VAT1L: variants seen among roughly 807,000 people sequenced by gnomAD.
VAT1L encodes putative NADPH-dependent quinone oxidoreductase VAT1L.
VAT1L carries 34 observed loss-of-function variants against 44.1 expected under a neutral mutation model. The observed-to-expected ratio is 0.77, with a 90% CI of 0.59 to 1.03. The LOEUF is 1.03. VAT1L is among the 50% of genes least tolerant of loss of function. The pLI is 0.00. For synonymous variants in VAT1L, 253 were observed against 202.2 expected (o/e 1.25, Z -2.13); for missense variants, 615 against 538.8 (o/e 1.14, Z -1.40).
chr16:77,863,837 T>C (rs895509652), intron 4 of VAT1L, among the ~76,000 whole-genome samples: 10 of 152,200 alleles, frequency 6.6e-5, no homozygotes, highest in Non-Finnish European at 1.3e-4. Context: ...ATAAAGACCA[T>C]GTACACCAAT....
chr16:77,906,171 A>G (rs1366660), intron 7 of VAT1L, among the ~76,000 whole-genome samples: 82,191 of 152,026 alleles, frequency 0.54, 22,421 homozygotes, highest in Middle Eastern at 0.65. Context: ...GTGCTAGGGG[A>G]TGTTGTAAGG....
chr16:77,878,968 T>C (rs1274484308), intron 5 of VAT1L, among the ~76,000 whole-genome samples: 2 of 152,208 alleles, frequency 1.3e-5, no homozygotes, highest in African/African-American at 2.4e-5. Flanking sequence ...GAAATGTCAC[T>C]TTCTCTTTGA....
At chr16:77,938,622 C>T (rs2017834655) in intron 7 of VAT1L, among the ~76,000 whole-genome samples, 1 of 152,142 alleles carries the variant, frequency 6.6e-6, no homozygotes, top group African/African-American at 2.4e-5. Context: ...AAAGACGTGC[C>T]TGCTTCCCCT....
At chr16:77,889,115 C>T (rs942722563) in intron 7 of VAT1L, among the ~76,000 whole-genome samples, 5 of 152,146 alleles carry the variant, frequency 3.3e-5, no homozygotes, top group East Asian at 1.9e-4. Flanking sequence ...TTTCCCCTCC[C>T]GTTTGGTAAA....
chr16:77,923,504 T>C (rs1009594915), intron 7 of VAT1L, among the ~76,000 whole-genome samples: 1 of 152,154 alleles, frequency 6.6e-6, no homozygotes, highest in Non-Finnish European at 1.5e-5. Flanking sequence ...TCTTAAAATC[T>C]TGGTCCCTGG....
At chr16:77,809,324 A>T (rs926859672) in intron 1 of VAT1L, among the ~76,000 whole-genome samples, 3 of 152,200 alleles carry the variant, frequency 2.0e-5, no homozygotes, top group African/African-American at 7.2e-5. Flanking sequence ...GCCACAAATC[A>T]ATTCTTTTCC....
intron 2 of VAT1L, among the ~76,000 whole-genome samples, chr16:77,824,979 G>A (rs1456280976): frequency 6.9e-6 from 1 of 144,242 alleles, no homozygotes; most frequent in Non-Finnish European, 1.5e-5. Context: ...CAGTTCTCCT[G>A]CCTCAGCCTC....
intron 7 of VAT1L, among the ~76,000 whole-genome samples, chr16:77,940,673 T>C (rs1200001953): frequency 5.3e-5 from 8 of 152,136 alleles, no homozygotes; most frequent in Non-Finnish European, 8.8e-5. Flanking sequence ...CAAAAGTTAA[T>C]ATGAATTTTG....
chr16:77,930,436 C>T (rs575326201), intron 7 of VAT1L, among the ~76,000 whole-genome samples: 1 of 152,316 alleles, frequency 6.6e-6, no homozygotes, highest in African/African-American at 2.4e-5. Flanking sequence ...TAGTCTGGCC[C>T]TGTCCTTTGA....
At position 77,893,348 on chromosome 16, in the gene VAT1L, G is replaced by A. The variant is rs570704636; in HGVS notation, c.1077+8546G>A. Among the ~76,000 whole-genome samples the A allele has an allele frequency of 5.6e-4, 86 of 152,336 alleles. 1 individual carries two copies. The South Asian group carries it at 0.014, about 25-fold the overall frequency. On this transcript the variant is annotated intron_variant, in intron 7 of 8. Coordinates refer to ENST00000302536, the MANE Select transcript of VAT1L (RefSeq NM_020927.3). ...ATCAGAAATAAAGGACAAAGGGGAA[G>A]CAAGAGTCAGCAATGACCAAGGGTC... is the stretch of plus-strand genomic sequence containing the variant.
intron 7 of VAT1L, among the ~76,000 whole-genome samples, chr16:77,915,227 A>C (rs1185608121): frequency 1.3e-5 from 2 of 152,256 alleles, no homozygotes; most frequent in African/African-American, 2.4e-5. Flanking sequence ...CATTCTCTGG[A>C]AACAGACTAC....
intron 3 of VAT1L, among the ~76,000 whole-genome samples, chr16:77,845,417 G>A (rs551538321): frequency 6.6e-6 from 1 of 152,154 alleles, no homozygotes; most frequent in African/African-American, 2.4e-5. Flanking sequence ...GGCCCCACTA[G>A]AATAGAGCTT....
chr16:77,908,080 A>T (rs1358343810), intron 7 of VAT1L, among the ~76,000 whole-genome samples: 2 of 152,082 alleles, frequency 1.3e-5, no homozygotes, highest in African/African-American at 4.8e-5. Flanking sequence ...CTCTACTAAA[A>T]ATACAAAAAT....
chr16:77,805,000 G>A (rs941661880), intron 1 of VAT1L, among the ~76,000 whole-genome samples: 1 of 152,118 alleles, frequency 6.6e-6, no homozygotes, highest in Non-Finnish European at 1.5e-5. Context: ...TTAAAATAGT[G>A]GTTAGAGAGG....
chr16:77,814,015 C>G (rs2016309948), intron 1 of VAT1L, among the ~76,000 whole-genome samples: 1 of 152,180 alleles, frequency 6.6e-6, no homozygotes. Flanking sequence ...AATTCAGATC[C>G]TGACTTTGAC....
chr16:77,881,575 C>T (rs1031014017), intron 6 of VAT1L, among the ~76,000 whole-genome samples: 4 of 152,164 alleles, frequency 2.6e-5, no homozygotes, highest in African/African-American at 7.2e-5. Context: ...ATTCATATGC[C>T]CTCAAAGTGC....
chr16:77,960,757 C>T (rs977117832), intron 7 of VAT1L, among the ~76,000 whole-genome samples: 2 of 152,098 alleles, frequency 1.3e-5, no homozygotes, highest in African/African-American at 4.8e-5. Context: ...GGTTGCAGCC[C>T]AGGACCCCTC....
chr16:77,804,156 A>G (rs1366064018), intron 1 of VAT1L, among the ~76,000 whole-genome samples: 1 of 152,218 alleles, frequency 6.6e-6, no homozygotes. Context: ...ATTGGATGAC[A>G]TTAAATGTTC....
chr16:77,958,129 A>G (rs1292488945), intron 7 of VAT1L, among the ~76,000 whole-genome samples: 1 of 151,974 alleles, frequency 6.6e-6, no homozygotes, highest in Non-Finnish European at 1.5e-5. Context: ...GCTGGCCTCA[A>G]ACTCCTGGGC....
Sources: allele counts gnomAD v4.1 joint callset (sites outside exome capture counted in the v4.1 genomes callset), GRCh38; gene constraint gnomAD v4.1.1; transcripts MANE v1.5; gene names NCBI Gene and HGNC (gene_info 2026-07-23, HGNC 2026-07-21).